The following COL4A5 variants were observed in gnomAD, a reference collection of about 807,000 sequenced individuals.
COL4A5 encodes the protein collagen alpha-5(IV) chain.
A neutral mutation model predicts 130.2 loss-of-function variants in COL4A5; 26 were observed. The observed-to-expected ratio is 0.20, with a 90% CI of 0.15 to 0.28. COL4A5 has a LOEUF of 0.28. COL4A5 is among the 10% of genes least tolerant of loss of function. The probability of loss-of-function intolerance (pLI) is 1.00; values close to 1 mark genes in which losing one functional copy is unlikely to be tolerated. For synonymous variants in COL4A5, 496 were observed against 439.6 expected (o/e 1.13, Z -1.60); for missense variants, 1,131 against 1,344.3 (o/e 0.84, Z 2.48).
intron 2 of COL4A5, among the ~76,000 whole-genome samples, chrX:108,550,530 G>C (rs1357474699): frequency 1.8e-5 from 2 of 111,511 alleles, no homozygotes; most frequent in African/African-American, 6.5e-5. Context: ...TAGTAAACTA[G>C]GAGTAGAAGA....
rs761960465 is a variant in COL4A5 at position 108,687,627 on chromosome X, T to G, written c.4461T>G (p.Leu1487=). ...CACCACAATGCCCACAGGGAACACT[T>G]CAGGTCTATGAAGGCTTTTCTCTCC... ...TDAPQCPQGT[L]QVYEGFSLLY... The change falls in exon 49 of 53, where the codon CTT becomes CTG. Residue 1487 remains leucine, a synonymous_variant. Coordinates refer to ENST00000328300, the MANE Select transcript of COL4A5 (RefSeq NM_033380.3). 1 of 1,211,499 alleles carries G rather than the reference T, an allele frequency of 8.3e-7. No homozygotes were observed. Among genetic ancestry groups the G allele is most frequent in the South Asian group, 1.8e-5 (1 of 56,964 alleles).
rs184300217 is a variant in COL4A5, at chrX:108,551,609, T to G, written c.142-7455T>G. ...TAGTTCACCCACTGTAGAAATCAGTTTGGAGATTCTTTAATCAGTTCAGCC... is the reference window on the plus strand; with the variant it reads ...TAGTTCACCCACTGTAGAAATCAGTGTGGAGATTCTTTAATCAGTTCAGCC... On this transcript the variant is annotated intron_variant, in intron 2 of 52. Coordinates refer to ENST00000328300, the MANE Select transcript of COL4A5 (RefSeq NM_033380.3). Among the ~76,000 whole-genome samples, 23 of 112,411 alleles carry G rather than the reference T, an allele frequency of 2.0e-4. No individual in the cohort carries two copies. The East Asian group carries it at 6.4e-3, about 31-fold the overall frequency.
intron 1 of COL4A5, among the ~76,000 whole-genome samples, chrX:108,504,315 C>A (rs1339494124): frequency 9.0e-6 from 1 of 111,729 alleles, no homozygotes; most frequent in African/African-American, 3.2e-5. Flanking sequence ...CTCTTCTGGA[C>A]ATTGACCTAG....
At chrX:108,651,816 A>T (rs946955522) in intron 36 of COL4A5, among the ~76,000 whole-genome samples, 2 of 111,885 alleles carry the variant, frequency 1.8e-5, no homozygotes, top group African/African-American at 6.5e-5. Context: ...TGGCCTGCTC[A>T]GGCAGCCTTG....
intron 36 of COL4A5, among the ~76,000 whole-genome samples, chrX:108,645,660 A>G (rs2067565545): frequency 9.2e-6 from 1 of 108,456 alleles, no homozygotes; most frequent in Non-Finnish European, 1.9e-5. Context: ...TACATGTGCC[A>G]TGTTGGTGTG....
chrX:108,458,190 G>T (rs1447267936), intron 1 of COL4A5, among the ~76,000 whole-genome samples: 1 of 111,694 alleles, frequency 9.0e-6, no homozygotes, highest in African/African-American at 3.3e-5. Context: ...GCTTCTAAAT[G>T]ATTTTATAGT....
In COL4A5 at chrX:108,453,313, T is replaced by C. The variant is rs372986214; in HGVS notation, c.81+13107T>C. ...TATAACTATTGGAAACCAGATTTTC[T>C]TCATATATTTTAAGTAAAGCAATGT... On this transcript the variant is annotated intron_variant, in intron 1 of 52. Coordinates refer to ENST00000328300, the MANE Select transcript of COL4A5 (RefSeq NM_033380.3). Among the ~76,000 whole-genome samples, 98 of 111,884 alleles carry C rather than the reference T, an allele frequency of 8.8e-4. 1 individual carries two copies. The South Asian group carries it at 0.034, about 39-fold the overall frequency.
At chrX:108,444,440 C>T (rs762830083) in intron 1 of COL4A5, among the ~76,000 whole-genome samples, 1 of 111,234 alleles carries the variant, frequency 9.0e-6, no homozygotes, top group East Asian at 2.8e-4. Context: ...AGGATGGTCT[C>T]GAACTCCTGA....
chrX:108,493,945 T>TAAAA (rs1569477574), intron 1 of COL4A5, among the ~76,000 whole-genome samples: 1 of 111,705 alleles, frequency 9.0e-6, no homozygotes, highest in Non-Finnish European at 1.9e-5. Context: ...GACCTTAAAA[T>TAAAA]AAAATGTTAA....
intron 29 of COL4A5, among the ~76,000 whole-genome samples, chrX:108,611,586 T>C (rs931403923): frequency 3.6e-5 from 4 of 111,439 alleles, no homozygotes; most frequent in African/African-American, 1.3e-4. Context: ...TTGAAAGACA[T>C]AAATTGTTGA....
At chrX:108,449,311 G>GA (rs1391789672) in intron 1 of COL4A5, among the ~76,000 whole-genome samples, 1 of 111,961 alleles carries the variant, frequency 8.9e-6, no homozygotes, top group Non-Finnish European at 1.9e-5. Flanking sequence ...AGGATCAGTT[G>GA]ATACAAAAGA....
intron 29 of COL4A5, among the ~76,000 whole-genome samples, chrX:108,614,524 A>G (rs1201632704): frequency 2.7e-5 from 3 of 111,952 alleles, no homozygotes; most frequent in Non-Finnish European, 5.6e-5. Context: ...AAGCTTGAAC[A>G]TGTTTATAAG....
chrX:108,656,258 A>G (rs1283679656), intron 37 of COL4A5, among the ~76,000 whole-genome samples: 1 of 111,777 alleles, frequency 8.9e-6, no homozygotes, highest in Non-Finnish European at 1.9e-5. Context: ...ATGAAATCAT[A>G]CAGTGATCCT....
intron 1 of COL4A5, among the ~76,000 whole-genome samples, chrX:108,453,320 A>C (rs2064547786): frequency 8.9e-6 from 1 of 111,894 alleles, no homozygotes; most frequent in Admixed American, 9.5e-5. Context: ...TTCTTCATAT[A>C]TTTTAAGTAA....
At chrX:108,573,442 T>G in intron 8 of COL4A5, 132 bp from the exon 9 acceptor site, 1 of 547,315 alleles carries the variant, frequency 1.8e-6, no homozygotes, top group Non-Finnish European at 3.3e-6. Context: ...ACTTATCATT[T>G]TTATTACTGA....
In COL4A5 at chrX:108,578,383, G is replaced by A; in HGVS notation, c.780G>A (p.Gln260=). The change falls in exon 13 of 53, where the codon CAG becomes CAA. Residue 260 remains glutamine, a splice_region_variant and synonymous_variant. Transcript: ENST00000328300. ...ATGTAGAGTTTCAGAAAGGAGATCA[G>A]GTGAGTAAGTAGGGAGGAAGTCAAT... ...PIDVEFQKGD[Q]GLPGDRGPPG... is the part of the protein sequence containing the mutation. 1 of 1,175,762 alleles carries A rather than the reference G, an allele frequency of 8.5e-7. No homozygotes were observed. The highest frequency in any genetic ancestry group is 1.8e-5 in the South Asian group (1 of 56,104).
chrX:108,667,260 C>T, intron 40 of COL4A5, 77 bp downstream of exon 40: 2 of 934,035 alleles, frequency 2.1e-6, no homozygotes, highest in Middle Eastern at 6.1e-4. Flanking sequence ...TTTTCCATCT[C>T]CACCTTTTAC....
At chrX:108,674,041 A>AAAT (rs757704088) in intron 42 of COL4A5, among the ~76,000 whole-genome samples, 10 of 108,492 alleles carry the variant, frequency 9.2e-5, no homozygotes, top group South Asian at 4.0e-4. Flanking sequence ...GACTCTGTCC[A>AAAT]AATAATAATA....
intron 37 of COL4A5, among the ~76,000 whole-genome samples, chrX:108,661,773 T>C (rs2067960510): frequency 9.0e-6 from 1 of 111,357 alleles, no homozygotes. Context: ...CCTGCAGTGA[T>C]GGAGTTTTAG....
Sources: gnomAD v4.1 joint callset for allele counts (sites outside exome capture counted in the v4.1 genomes callset) on GRCh38, gnomAD v4.1.1 for gene constraint, MANE v1.5 for transcripts, NCBI Gene and HGNC (gene_info 2026-07-23, HGNC 2026-07-21) for gene names.